FAR1: variants seen among roughly 807,000 people sequenced by gnomAD.
FAR1 encodes male sterility domain-containing protein 2.
A neutral mutation model predicts 61.1 loss-of-function variants in FAR1; 22 were observed. The ratio of observed to expected loss-of-function variants is 0.36; its 90% CI spans 0.26 to 0.51. The LOEUF (loss-of-function observed/expected upper bound fraction) is 0.51, where lower values mean the gene tolerates loss of function less well. Ranked by LOEUF, FAR1 falls within the 20% of genes least tolerant of loss-of-function variation. The pLI, the probability that FAR1 is intolerant of heterozygous loss-of-function variation, is 0.95. For missense variants in FAR1, 359 were observed against 626.9 expected, an observed-to-expected ratio of 0.57 and a Z score of 4.56; for synonymous variants, 206 against 209.7, an observed-to-expected ratio of 0.98 and a Z score of 0.15.
At chr11:13,689,355 A>G (rs1318026811) in intron 1 of FAR1, among the ~76,000 whole-genome samples, 1 of 152,224 alleles carries the variant, frequency 6.6e-6, no homozygotes, top group South Asian at 2.1e-4. Context: ...TTGGCCGTAG[A>G]TGTTTTGCCT....
At chr11:13,695,788 T>G (rs1848301278) in intron 2 of FAR1, among the ~76,000 whole-genome samples, 1 of 152,226 alleles carries the variant, frequency 6.6e-6, no homozygotes. Flanking sequence ...ATGAACTTCA[T>G]ATACCTTTAT....
chr11:13,714,308 G>A (rs1049593347), intron 8 of FAR1, among the ~76,000 whole-genome samples: 3 of 151,978 alleles, frequency 2.0e-5, no homozygotes, highest in Admixed American at 6.6e-5. Context: ...CATAAATAGC[G>A]GCAGTTACAA....
chr11:13,725,330 C>T (rs1591273723), intron 10 of FAR1, among the ~76,000 whole-genome samples: 1 of 151,984 alleles, frequency 6.6e-6, no homozygotes, highest in East Asian at 1.9e-4. Flanking sequence ...CTCCATAACA[C>T]TTGGCCTTTT....
intron 1 of FAR1, among the ~76,000 whole-genome samples, chr11:13,688,710 C>T (rs1031074422): frequency 2.0e-5 from 3 of 152,046 alleles, no homozygotes; most frequent in African/African-American, 7.2e-5. Flanking sequence ...TCTCAGTATA[C>T]TATTTAATAT....
chr11:13,713,051 T>G lies in FAR1; in HGVS notation c.955+18T>G. On this transcript the variant is annotated intron_variant, in intron 8 of 11. Coordinates refer to ENST00000354817, the MANE Select transcript of FAR1 (RefSeq NM_032228.6). ...TGAAGTTGGTATGATTTTACCTGTGTTTTTGAATGTTAGAATAAATCTTAA... is the reference window on the plus strand; with the variant it reads ...TGAAGTTGGTATGATTTTACCTGTGGTTTTGAATGTTAGAATAAATCTTAA... 2.5e-6 allele frequency: 4 copies of G among 1,603,410 alleles called. No homozygotes were observed. In the South Asian group the frequency reaches 4.4e-5, roughly 18 times the overall value.
intron 4 of FAR1, among the ~76,000 whole-genome samples, 190 bp from the exon 5 acceptor site, chr11:13,710,503 C>G (rs1387961891): frequency 6.6e-6 from 1 of 151,828 alleles, no homozygotes; most frequent in Non-Finnish European, 1.5e-5. Flanking sequence ...ACAGAAATTG[C>G]AGATAAGGGA....
At chr11:13,705,189 A>G (rs1387479710) in intron 3 of FAR1, among the ~76,000 whole-genome samples, 1 of 152,120 alleles carries the variant, frequency 6.6e-6, no homozygotes, top group East Asian at 1.9e-4. Flanking sequence ...CCGAAGATAC[A>G]TTTATGACTC....
chr11:13,704,245 A>G (rs562665084), intron 3 of FAR1, among the ~76,000 whole-genome samples: 12 of 152,138 alleles, frequency 7.9e-5, no homozygotes, highest in South Asian at 2.1e-4. Context: ...GAGGACAAAA[A>G]CCAGGCTGAA....
intron 4 of FAR1, among the ~76,000 whole-genome samples, chr11:13,709,088 A>G (rs931389501): frequency 6.6e-6 from 1 of 152,126 alleles, no homozygotes; most frequent in Admixed American, 6.6e-5. Flanking sequence ...CTTATATAAT[A>G]TCTTTGAATT....
intron 1 of FAR1, among the ~76,000 whole-genome samples, chr11:13,691,998 T>G (rs930414966): frequency 2.6e-5 from 4 of 152,046 alleles, no homozygotes; most frequent in African/African-American, 4.8e-5. Flanking sequence ...AGAAACCCCA[T>G]CTCTACTAAA....
At chr11:13,678,268 G>A (rs1848088556) in intron 1 of FAR1, among the ~76,000 whole-genome samples, 1 of 151,644 alleles carries the variant, frequency 6.6e-6, no homozygotes, top group Admixed American at 6.6e-5. Flanking sequence ...GGAAGGTCAT[G>A]TTTTCTTTTT....
chr11:13,714,755 CTG>C (rs1400362789), intron 9 of FAR1, 75 bp downstream of exon 9: 1 of 1,336,412 alleles, frequency 7.5e-7, no homozygotes, highest in Non-Finnish European at 1.0e-6. Flanking sequence ...CATATTAACT[CTG>C]TATTTGTTTA....
intron 1 of FAR1, among the ~76,000 whole-genome samples, chr11:13,680,872 A>G (rs186775708): frequency 5.6e-4 from 85 of 152,352 alleles, no homozygotes; most frequent in African/African-American, 1.9e-3. Flanking sequence ...ACATTAAGTG[A>G]TGATTGCAGT....
chr11:13,708,565 C>G (rs965510905), intron 4 of FAR1, among the ~76,000 whole-genome samples: 1 of 151,764 alleles, frequency 6.6e-6, no homozygotes, highest in African/African-American at 2.4e-5. Context: ...TTAATGAAGT[C>G]AATGTGTAGT....
rs544703281 is a variant in FAR1, at chr11:13,729,652, T to C, written c.*878T>C. ...GGGAGTTGGGAAGGATTCACCATAC[T>C]TGTGTTCTCCTCCCTTTATAAATTT... On this transcript the variant is annotated 3_prime_UTR_variant, in exon 12 of 12. Coordinates refer to ENST00000354817, the MANE Select transcript of FAR1 (RefSeq NM_032228.6). The C allele has an allele frequency of 2.0e-5, 3 of 152,102 alleles. No individual in the cohort carries two copies. Among genetic ancestry groups the C allele is most frequent in the African/African-American group, 7.2e-5 (3 of 41,562 alleles). The allele number at this position is 152,102 out of a possible 1,614,324, so 9.4% of individuals were successfully genotyped here. A position where few individuals can be genotyped will look rare whatever the true frequency, so the allele number is the denominator to read the frequency against.
rs377296994 is a variant in FAR1 at position 13,678,266 on chromosome 11, A to G, written c.-8+9460A>G. Reference sequence around the variant, plus strand: ...TAGCTTTATGGATTAAAGGAAGGTCATGTTTTCTTTTTTTTTGAGACTGAG... The same window carrying G: ...TAGCTTTATGGATTAAAGGAAGGTCGTGTTTTCTTTTTTTTTGAGACTGAG... On this transcript the variant is annotated intron_variant, in intron 1 of 11. Transcript: ENST00000354817. 4.3e-4 allele frequency among the ~76,000 whole-genome samples: 66 copies of G among 151,756 alleles called. No homozygotes were observed. The South Asian group carries it at 0.012, about 28-fold the overall frequency.
In FAR1 at chr11:13,730,373, A is replaced by G. The variant is rs1848711153; in HGVS notation, c.*1599A>G. ...TCCATGTTGAAGCCAGATTTTCTGT[A>G]GTAAAACTTTTAAATATTATTTTAA... On this transcript the variant is annotated 3_prime_UTR_variant, in exon 12 of 12. Coordinates refer to ENST00000354817, the MANE Select transcript of FAR1 (RefSeq NM_032228.6). The G allele has an allele frequency of 6.6e-6, 1 of 152,438 alleles. No homozygotes were observed. Among genetic ancestry groups the G allele is most frequent in the Non-Finnish European group, 1.5e-5 (1 of 67,928 alleles). 9.4% of individuals were successfully genotyped at this position (152,438 alleles called of 1,614,324 possible). A position where few individuals can be genotyped will look rare whatever the true frequency, so the allele number is the denominator to read the frequency against.
intron 1 of FAR1, among the ~76,000 whole-genome samples, chr11:13,670,870 A>G (rs1847993804): frequency 6.6e-6 from 1 of 152,148 alleles, no homozygotes; most frequent in African/African-American, 2.4e-5. Context: ...GTGGCCCACT[A>G]CCATATTTCC....
Position 13,731,801 on chromosome 11 carries a change from C to T in FAR1, c.*3027C>T, listed in dbSNP as rs1450781908. 3 of 152,094 alleles carry T rather than the reference C, an allele frequency of 2.0e-5. No homozygotes were observed. Among genetic ancestry groups the T allele is most frequent in the African/African-American group, 4.8e-5 (2 of 41,398 alleles). The allele number at this position is 152,094 out of a possible 1,614,324, so 9.4% of individuals were successfully genotyped here. A position where few individuals can be genotyped will look rare whatever the true frequency, so the allele number is the denominator to read the frequency against. On this transcript the variant is annotated 3_prime_UTR_variant, in exon 12 of 12. Transcript: ENST00000354817. ...GTGTCATTGGGTTCCAGCTGCTCTC[C>T]TCCACATTGAATGATATCTTGTTAA...
Sources: gnomAD v4.1 joint callset for allele counts (sites outside exome capture counted in the v4.1 genomes callset) on GRCh38, gnomAD v4.1.1 for gene constraint, MANE v1.5 for transcripts, NCBI Gene and HGNC (gene_info 2026-07-23, HGNC 2026-07-21) for gene names.